MACROD2: variants seen among roughly 807,000 people sequenced by gnomAD.
MACROD2 encodes ADP-ribose glycohydrolase MACROD2.
A neutral mutation model predicts 70.4 loss-of-function variants in MACROD2; 36 were observed. That is an observed-to-expected ratio of 0.51 (90% CI 0.39 to 0.68). The LOEUF is 0.68. Ranked by LOEUF, MACROD2 falls within the 30% of genes least tolerant of loss-of-function variation. The pLI, the probability that MACROD2 is intolerant of heterozygous loss-of-function variation, is 0.00. For missense variants in MACROD2, 496 were observed against 538.4 expected (o/e 0.92, Z 0.78); for synonymous variants, 172 against 178.8 (o/e 0.96, Z 0.30).
At chr20:15,242,426 G>C (rs1056462167) in intron 6 of MACROD2, among the ~76,000 whole-genome samples, 1 of 152,056 alleles carries the variant, frequency 6.6e-6, no homozygotes, top group African/African-American at 2.4e-5. Flanking sequence ...TATGCTGTTG[G>C]ATTATTTTTT....
rs146964604 is a variant in MACROD2 at position 15,901,304 on chromosome 20, G to T, written c.775+15493G>T. On this transcript the variant is annotated intron_variant, in intron 10 of 17. Coordinates refer to ENST00000684519, the MANE Select transcript of MACROD2 (RefSeq NM_001351661.2). ...CCAGATTCCCAAGAAACTACAGAAGGTCCACCATTTACAATGGTTTGATTT... is the reference window on the plus strand; with the variant it reads ...CCAGATTCCCAAGAAACTACAGAAGTTCCACCATTTACAATGGTTTGATTT... 5.9e-3 allele frequency among the ~76,000 whole-genome samples: 885 copies of T among 151,196 alleles called. 4 individuals carry two copies. Among genetic ancestry groups the T allele is most frequent in the South Asian group, 0.029 (142 of 4,814 alleles).
chr20:14,032,994 A>G (rs1157113253), intron 2 of MACROD2, among the ~76,000 whole-genome samples: 1 of 152,076 alleles, frequency 6.6e-6, no homozygotes, highest in Non-Finnish European at 1.5e-5. Context: ...CCTGTTTTAA[A>G]AAACTGTCTT....
chr20:14,348,276 A>T (rs1393712276), intron 3 of MACROD2, among the ~76,000 whole-genome samples: 1 of 141,090 alleles, frequency 7.1e-6, no homozygotes, highest in African/African-American at 2.7e-5. Context: ...CTCAAAAAAA[A>T]AAAAATAAAT....
intron 15 of MACROD2, among the ~76,000 whole-genome samples, chr20:16,017,142 T>G (rs922379862): frequency 1.1e-4 from 16 of 152,210 alleles, no homozygotes; most frequent in Non-Finnish European, 2.4e-4. Flanking sequence ...CCTCCAAGTT[T>G]CTTTTTGTTT....
chr20:15,851,359 T>G (rs568867834), intron 8 of MACROD2, among the ~76,000 whole-genome samples: 11 of 151,874 alleles, frequency 7.2e-5, no homozygotes, highest in African/African-American at 2.4e-4. Flanking sequence ...TAACAGAAAT[T>G]TATTTTCTCA....
intron 4 of MACROD2, among the ~76,000 whole-genome samples, chr20:14,680,776 T>C (rs1388475393): frequency 6.6e-6 from 1 of 152,140 alleles, no homozygotes; most frequent in East Asian, 1.9e-4. Flanking sequence ...ATGTCACATC[T>C]GTTAAGGAAT....
Position 15,269,569 on chromosome 20 carries a change from T to A in MACROD2, c.540+39508T>A, listed in dbSNP as rs918490857. ...ATGATAGTCAGCAGTGAATAGTCAGTGAAAAGATTATCATCTCTTCTGCAA... is the reference window on the plus strand; with the variant it reads ...ATGATAGTCAGCAGTGAATAGTCAGAGAAAAGATTATCATCTCTTCTGCAA... On this transcript the variant is annotated intron_variant, in intron 6 of 17. Coordinates refer to ENST00000684519, the MANE Select transcript of MACROD2 (RefSeq NM_001351661.2). Among the ~76,000 whole-genome samples, 4 of 152,258 alleles carry A rather than the reference T, an allele frequency of 2.6e-5. No homozygotes were observed. The East Asian group carries it at 7.7e-4, about 29-fold the overall frequency.
intron 5 of MACROD2, among the ~76,000 whole-genome samples, chr20:15,158,835 T>C (rs2076327307): frequency 6.6e-6 from 1 of 152,186 alleles, no homozygotes; most frequent in South Asian, 2.1e-4. Flanking sequence ...TATAAAGTAA[T>C]TCAAGAGCTT....
intron 7 of MACROD2, among the ~76,000 whole-genome samples, chr20:15,490,795 T>G (rs1410591981): frequency 6.6e-6 from 1 of 152,148 alleles, no homozygotes; most frequent in Non-Finnish European, 1.5e-5. Context: ...ATCAAGTGAA[T>G]GAGAAACATA....
At chr20:15,053,198 C>G (rs2075456542) in intron 5 of MACROD2, among the ~76,000 whole-genome samples, 1 of 152,148 alleles carries the variant, frequency 6.6e-6, no homozygotes, top group East Asian at 1.9e-4. Flanking sequence ...GCCAGTTATC[C>G]AGATCTAGCT....
chr20:14,074,761 C>T (rs1167382120), intron 2 of MACROD2, among the ~76,000 whole-genome samples: 1 of 152,112 alleles, frequency 6.6e-6, no homozygotes, highest in Non-Finnish European at 1.5e-5. Context: ...AGTAGTCTCC[C>T]CTGATCCTTA....
intron 5 of MACROD2, among the ~76,000 whole-genome samples, chr20:15,211,406 T>C (rs2076762416): frequency 1.3e-5 from 2 of 152,186 alleles, no homozygotes; most frequent in Non-Finnish European, 2.9e-5. Flanking sequence ...GTGGTTTAGA[T>C]CTTTGTCCCC....
At chr20:14,725,645 G>A (rs1425251645) in intron 5 of MACROD2, among the ~76,000 whole-genome samples, 3 of 152,142 alleles carry the variant, frequency 2.0e-5, no homozygotes, top group Non-Finnish European at 4.4e-5. Flanking sequence ...AGGAGAGGAA[G>A]CCAGCAAAGC....
intron 5 of MACROD2, among the ~76,000 whole-genome samples, chr20:14,948,451 C>G (rs894278452): frequency 6.6e-6 from 1 of 152,112 alleles, no homozygotes; most frequent in Non-Finnish European, 1.5e-5. Flanking sequence ...TGTGACAGAC[C>G]ACTGCTGAGT....
At chr20:14,268,901 C>G (rs2122343290) in intron 3 of MACROD2, among the ~76,000 whole-genome samples, 1 of 152,204 alleles carries the variant, frequency 6.6e-6, no homozygotes. Flanking sequence ...GCAGCCTTTA[C>G]CAAGGTAGAT....
intron 6 of MACROD2, among the ~76,000 whole-genome samples, chr20:15,266,351 G>A (rs948806849): frequency 6.6e-6 from 1 of 152,114 alleles, no homozygotes; most frequent in Non-Finnish European, 1.5e-5. Context: ...ACTAAGATAA[G>A]CCTGGGTCTT....
At chr20:15,038,524 A>G (rs955327027) in intron 5 of MACROD2, among the ~76,000 whole-genome samples, 1 of 152,206 alleles carries the variant, frequency 6.6e-6, no homozygotes, top group Non-Finnish European at 1.5e-5. Flanking sequence ...AAATTATAAA[A>G]TATAGGATGA....
intron 3 of MACROD2, among the ~76,000 whole-genome samples, chr20:14,254,221 T>C (rs2082035377): frequency 6.6e-6 from 1 of 152,060 alleles, no homozygotes; most frequent in African/African-American, 2.4e-5. Flanking sequence ...ATCATTTTGC[T>C]TTTCAGTTAT....
At position 14,909,692 on chromosome 20, in the gene MACROD2, T is replaced by C. The variant is rs561873667; in HGVS notation, c.418+224733T>C. ...AAACCTTCCAGTTCTAACTAGTCAA[T>C]GAATGACCCATTTTGATTCTCAGAC... On this transcript the variant is annotated intron_variant, in intron 5 of 17. Coordinates refer to ENST00000684519, the MANE Select transcript of MACROD2 (RefSeq NM_001351661.2). 5.3e-5 allele frequency among the ~76,000 whole-genome samples: 8 copies of C among 152,240 alleles called. No homozygotes were observed. In the East Asian group the frequency reaches 7.8e-4, roughly 15 times the overall value.
Sources: allele counts gnomAD v4.1 joint callset (sites outside exome capture counted in the v4.1 genomes callset), GRCh38; gene constraint gnomAD v4.1.1; transcripts MANE v1.5; gene names NCBI Gene and HGNC (gene_info 2026-07-23, HGNC 2026-07-21).